Variants in CPEB3 observed in about 807,000 individuals in gnomAD.
CPEB3 encodes the protein cytoplasmic polyadenylation element binding protein 3, also known as cytoplasmic polyadenylation element-binding protein 3.
Under a neutral mutation model 67.2 loss-of-function variants are expected in CPEB3, and 20 were observed. The observed-to-expected ratio is 0.30, with a 90% confidence interval of 0.21 to 0.43. CPEB3 has a LOEUF of 0.43. Ranked by LOEUF, CPEB3 falls within the 20% of genes least tolerant of loss-of-function variation. CPEB3 has a pLI of 1.00. For synonymous variants in CPEB3, 376 were observed against 393.1 expected (o/e 0.96, Z 0.51); for missense variants, 746 against 968.6 (o/e 0.77, Z 3.05).
At chr10:92,092,447 A>C (rs2133309462) in intron 7 of CPEB3, among the ~76,000 whole-genome samples, 1 of 152,340 alleles carries the variant, frequency 6.6e-6, no homozygotes, top group Non-Finnish European at 1.5e-5. Flanking sequence ...ACATGCAGCA[A>C]GTTAGCATAG....
chr10:92,220,784 T>A (rs1850660996), intron 2 of CPEB3, among the ~76,000 whole-genome samples: 1 of 152,202 alleles, frequency 6.6e-6, no homozygotes, highest in African/African-American at 2.4e-5. Flanking sequence ...TGTTTACCAA[T>A]AGAAACAAAG....
rs192114129 is a variant in CPEB3 at position 92,098,694 on chromosome 10, C to T, written c.1573-6750G>A. Among the ~76,000 whole-genome samples the T allele has an allele frequency of 2.2e-4, 33 of 151,326 alleles. 1 individual carries two copies. In the South Asian group the frequency reaches 3.0e-3, roughly 14 times the overall value. ...TAAACTGAAACATTAGATAGCTGTT[C>T]AAAGAACTGAAAGTTTTCTGGCTAA... On this transcript the variant is annotated intron_variant, in intron 7 of 9. Coordinates refer to ENST00000265997, the MANE Select transcript of CPEB3 (RefSeq NM_014912.5).
intron 2 of CPEB3, among the ~76,000 whole-genome samples, chr10:92,210,475 A>C (rs2134333182): frequency 6.6e-6 from 1 of 152,374 alleles, no homozygotes; most frequent in Admixed American, 6.5e-5. Flanking sequence ...AATGTGTATA[A>C]AAAATTAATA....
rs143323682 is a variant in CPEB3 at position 92,228,148 on chromosome 10, A to G, written c.1005+11198T>C. Among the ~76,000 whole-genome samples, 1,141 of 152,306 alleles carry G rather than the reference A, an allele frequency of 7.5e-3. 13 individuals are homozygous for G. Among genetic ancestry groups the G allele is most frequent in the African/African-American group, 0.026 (1,088 of 41,562 alleles). On this transcript the variant is annotated intron_variant, in intron 2 of 9. Coordinates refer to ENST00000265997, the MANE Select transcript of CPEB3 (RefSeq NM_014912.5). ...GGTGATCTGCCCATCTTGGCCTCCC[A>G]AAGTGCTGAGATTACATGCGTGAGC...
intron 8 of CPEB3, among the ~76,000 whole-genome samples, chr10:92,086,755 A>G (rs1266698657): frequency 6.6e-6 from 1 of 152,196 alleles, no homozygotes; most frequent in Non-Finnish European, 1.5e-5. Context: ...CTCTATAAGT[A>G]TCAATTCATT....
chr10:92,181,827 A>C (rs1049447906), intron 3 of CPEB3, among the ~76,000 whole-genome samples: 1 of 152,258 alleles, frequency 6.6e-6, no homozygotes, highest in African/African-American at 2.4e-5. Flanking sequence ...CACTTCACAA[A>C]GTTTGCCAAC....
chr10:92,150,841 G>A (rs905281174), intron 4 of CPEB3, among the ~76,000 whole-genome samples: 17 of 152,030 alleles, frequency 1.1e-4, no homozygotes, highest in African/African-American at 4.1e-4. Context: ...ATGTGAGGAG[G>A]ATATAAACCT....
chr10:92,212,543 C>T (rs574526603), intron 2 of CPEB3, among the ~76,000 whole-genome samples: 1 of 152,180 alleles, frequency 6.6e-6, no homozygotes, highest in Admixed American at 6.5e-5. Flanking sequence ...GCCACTTTGC[C>T]CAGCCTAAAA....
chr10:92,162,936 C>G (rs1847563654), intron 4 of CPEB3, among the ~76,000 whole-genome samples: 1 of 152,134 alleles, frequency 6.6e-6, no homozygotes, highest in Non-Finnish European at 1.5e-5. Context: ...TAGCCCCACA[C>G]TTGCATAGCT....
At chr10:92,188,936 AC>A (rs1356014328) in intron 3 of CPEB3, among the ~76,000 whole-genome samples, 1 of 152,188 alleles carries the variant, frequency 6.6e-6, no homozygotes, top group African/African-American at 2.4e-5. Context: ...TGAATACATG[AC>A]CAAAAAACTA....
Position 92,263,881 on chromosome 10 carries a change from GTGA to G in CPEB3, c.-11-23523_-11-23521del, listed in dbSNP as rs536008924. 3.1e-3 allele frequency among the ~76,000 whole-genome samples: 477 copies of G among 152,170 alleles called. 2 individuals are homozygous for G. Among genetic ancestry groups the G allele is most frequent in the Non-Finnish European group, 5.5e-3 (374 of 68,000 alleles). On this transcript the variant is annotated intron_variant, in intron 1 of 9. Coordinates refer to ENST00000265997, the MANE Select transcript of CPEB3 (RefSeq NM_014912.5). ...ATTGAGAGAATTTCCTCATCATCTG[GTGA>G]TGATGTTTATACTAACTAGCATTCC...
At chr10:92,187,574 T>C (rs2134136294) in intron 3 of CPEB3, among the ~76,000 whole-genome samples, 1 of 152,342 alleles carries the variant, frequency 6.6e-6, no homozygotes, top group African/African-American at 2.4e-5. Flanking sequence ...GTGCTATAGT[T>C]GGTATTTCCT....
intron 9 of CPEB3, among the ~76,000 whole-genome samples, chr10:92,061,310 T>C (rs1203421746): frequency 6.7e-6 from 1 of 149,600 alleles, no homozygotes; most frequent in Non-Finnish European, 1.5e-5. Flanking sequence ...TCCCAACTAC[T>C]AGGGACACTG....
rs921957312 is a variant in CPEB3, at chr10:92,050,118, T to C, written c.*2094A>G. On this transcript the variant is annotated 3_prime_UTR_variant, in exon 10 of 10. Coordinates refer to ENST00000265997, the MANE Select transcript of CPEB3 (RefSeq NM_014912.5). ...TGAAAACTGTCTAGAATACAAAAAG[T>C]AGTAGTGCATAACAAAATTTCTTGT... The C allele has an allele frequency of 6.1e-5, 9 of 146,568 alleles. No homozygotes were observed. The highest frequency in any genetic ancestry group is 2.3e-4 in the African/African-American group (9 of 39,824). The allele number at this position is 146,568 out of a possible 1,614,324, so 9.1% of individuals were successfully genotyped here.
intron 2 of CPEB3, among the ~76,000 whole-genome samples, chr10:92,202,723 G>C (rs1849574539): frequency 1.3e-5 from 2 of 151,518 alleles, no homozygotes; most frequent in Admixed American, 1.3e-4. Flanking sequence ...TGGGAAATCA[G>C]GGCAAAATGC....
At position 92,285,406 on chromosome 10, in the gene CPEB3, G is replaced by A. The variant is rs548098192; in HGVS notation, c.-12+5520C>T. 3.0e-4 allele frequency among the ~76,000 whole-genome samples: 45 copies of A among 152,298 alleles called. 1 individual carries two copies. The East Asian group carries it at 7.7e-3, about 26-fold the overall frequency. ...CTGCCTCAGCCTCCCGAGTAGCTGG[G>A]ATTATAGGCACACACCACCATGCCT... is the stretch of plus-strand genomic sequence containing the variant. On this transcript the variant is annotated intron_variant, in intron 1 of 9. Transcript: ENST00000265997.
chr10:92,228,706 A>G (rs988767242), intron 2 of CPEB3, among the ~76,000 whole-genome samples: 2 of 150,702 alleles, frequency 1.3e-5, no homozygotes, highest in Non-Finnish European at 2.9e-5. Context: ...TCGAATTTAT[A>G]TATATATATA....
chr10:92,131,723 A>T (rs191405254), intron 6 of CPEB3, among the ~76,000 whole-genome samples: 68 of 152,294 alleles, frequency 4.5e-4, no homozygotes, highest in African/African-American at 1.4e-3. Context: ...TTGTCACCGG[A>T]TGTCTCAAAG....
intron 4 of CPEB3, among the ~76,000 whole-genome samples, chr10:92,165,536 G>A (rs952629516): frequency 6.7e-6 from 1 of 149,444 alleles, no homozygotes; most frequent in African/African-American, 2.5e-5. Flanking sequence ...AGTGAAGTTT[G>A]CCACATCGAT....
Sources: allele counts gnomAD v4.1 joint callset (sites outside exome capture counted in the v4.1 genomes callset), GRCh38; gene constraint gnomAD v4.1.1; transcripts MANE v1.5; gene names NCBI Gene and HGNC (gene_info 2026-07-23, HGNC 2026-07-21).